The following PDE3A variants were observed in gnomAD, a reference collection of about 807,000 sequenced individuals.
PDE3A encodes cGMP-inhibited 3',5'-cyclic phosphodiesterase 3A.
A neutral mutation model predicts 98.3 loss-of-function variants in PDE3A; 43 were observed. The ratio of observed to expected loss-of-function variants is 0.44; its 90% confidence interval spans 0.34 to 0.56. The LOEUF is 0.56. PDE3A is among the 20% of genes least tolerant of loss of function. The pLI, the probability that PDE3A is intolerant of heterozygous loss-of-function variation, is 0.01. For missense variants in PDE3A, 1,427 were observed against 1,440.7 expected (o/e 0.99, Z 0.15); for synonymous variants, 663 against 567.9 (o/e 1.17, Z -2.38).
chr12:20,479,832 G>T (rs1009086961), intron 1 of PDE3A, among the ~76,000 whole-genome samples: 1 of 152,112 alleles, frequency 6.6e-6, no homozygotes. Context: ...GCTGAACATT[G>T]TTCAACAAAG....
chr12:20,458,802 A>G (rs1224119606), intron 1 of PDE3A, among the ~76,000 whole-genome samples: 1 of 152,098 alleles, frequency 6.6e-6, no homozygotes, highest in Non-Finnish European at 1.5e-5. Context: ...AGACATTAGG[A>G]TACTGTCCAT....
At chr12:20,482,234 T>G (rs56186852) in intron 1 of PDE3A, among the ~76,000 whole-genome samples, 5,281 of 130,182 alleles carry the variant, frequency 0.041, 140 homozygotes, top group South Asian at 0.079. Context: ...ACATGTATTT[T>G]TTTTTCTGTA....
At chr12:20,396,739 A>G (rs11045210) in intron 1 of PDE3A, among the ~76,000 whole-genome samples, 59,614 of 151,930 alleles carry the variant, frequency 0.39, 13,221 homozygotes, top group South Asian at 0.5. Context: ...GAGAAGCTGG[A>G]CCATTATCTA....
intron 1 of PDE3A, among the ~76,000 whole-genome samples, chr12:20,451,920 C>T (rs1334264547): frequency 2.0e-5 from 3 of 152,134 alleles, no homozygotes; most frequent in South Asian, 4.1e-4. Flanking sequence ...CACACTTAAC[C>T]GCATTTCTCT....
At chr12:20,484,207 T>G (rs1052651480) in intron 1 of PDE3A, among the ~76,000 whole-genome samples, 1 of 152,196 alleles carries the variant, frequency 6.6e-6, no homozygotes, top group African/African-American at 2.4e-5. Flanking sequence ...CTCCTCAAAC[T>G]AGTCCCTCTG....
At chr12:20,590,744 A>G (rs1943318721) in intron 2 of PDE3A, among the ~76,000 whole-genome samples, 1 of 152,172 alleles carries the variant, frequency 6.6e-6, no homozygotes, top group Admixed American at 6.5e-5. Flanking sequence ...CCCACCCTAG[A>G]CAGTACAAAG....
chr12:20,650,331 G>T, intron 13 of PDE3A, 114 bp from the exon 14 acceptor site: 1 of 525,948 alleles, frequency 1.9e-6, no homozygotes, highest in Non-Finnish European at 3.3e-6. Flanking sequence ...CCAATTATTT[G>T]GTATTATGAT....
intron 15 of PDE3A, among the ~76,000 whole-genome samples, chr12:20,669,197 TG>T (rs1945402610): frequency 6.6e-6 from 1 of 150,974 alleles, no homozygotes; most frequent in African/African-American, 2.4e-5. Context: ...TATGGGACTA[TG>T]TGAAAAGACC....
At chr12:20,420,787 G>T (rs1944499390) in intron 1 of PDE3A, among the ~76,000 whole-genome samples, 1 of 152,136 alleles carries the variant, frequency 6.6e-6, no homozygotes. Flanking sequence ...AGTCATTTCT[G>T]GGTTAAGGTG....
chr12:20,431,539 A>G (rs779430109), intron 1 of PDE3A, among the ~76,000 whole-genome samples: 26 of 152,244 alleles, frequency 1.7e-4, no homozygotes, highest in Non-Finnish European at 3.4e-4. Flanking sequence ...TTCAATCGAA[A>G]GAATTAAGTG....
chr12:20,475,172 TGTGTGA>T (rs201359013), intron 1 of PDE3A, among the ~76,000 whole-genome samples: 8,413 of 88,048 alleles, frequency 0.096, 289 homozygotes, highest in East Asian at 0.24. Flanking sequence ...GGAAAAAATG[TGTGTGA>T]GTGTGTGTGT....
At chr12:20,611,067 T>C (rs1193944076) in intron 2 of PDE3A, among the ~76,000 whole-genome samples, 1 of 151,946 alleles carries the variant, frequency 6.6e-6, no homozygotes, top group African/African-American at 2.4e-5. Context: ...AAAAATACTA[T>C]GCAAGACGCT....
chr12:20,664,830 G>A (rs1345039569), intron 15 of PDE3A, among the ~76,000 whole-genome samples: 2 of 152,058 alleles, frequency 1.3e-5, no homozygotes, highest in Non-Finnish European at 2.9e-5. Flanking sequence ...TTTATCAGCA[G>A]TGTGAAATTG....
chr12:20,654,402 T>C (rs1944990724), intron 15 of PDE3A, among the ~76,000 whole-genome samples, 197 bp downstream of exon 15: 1 of 152,190 alleles, frequency 6.6e-6, no homozygotes, highest in Non-Finnish European at 1.5e-5. Flanking sequence ...ATAACACATA[T>C]GATACAAAGA....
intron 1 of PDE3A, among the ~76,000 whole-genome samples, chr12:20,446,163 T>C (rs1944950356): frequency 6.6e-6 from 1 of 152,182 alleles, no homozygotes; most frequent in Admixed American, 6.5e-5. Flanking sequence ...GAATTTGTGT[T>C]TTGTGAGAAT....
At position 20,621,348 on chromosome 12, in the gene PDE3A, T is replaced by C; in HGVS notation, c.1477T>C (p.Phe493Leu). 6.2e-7 allele frequency: 1 copy of C among 1,612,492 alleles called. No homozygotes were observed. The highest frequency in any genetic ancestry group is 8.5e-7 in the Non-Finnish European group (1 of 1,178,696). ...GATGACCCTCACCAAAAGCAGATCCTTTACTTCATCCTATGCTATTTCTGC... is the reference window on the plus strand; with the variant it reads ...GATGACCCTCACCAAAAGCAGATCCCTTACTTCATCCTATGCTATTTCTGC... ...VMMTLTKSRSFTSSYAISAAN... is the reference protein window; with the variant it reads ...VMMTLTKSRSLTSSYAISAAN... Residue 493 changes from phenylalanine to leucine, a missense_variant, in exon 5 of 16, where the codon TTT becomes CTT. By Grantham distance (22) the Phe-to-Leu change is conservative (BLOSUM62 0). Transcript: ENST00000359062.
chr12:20,473,768 T>C (rs932090372), intron 1 of PDE3A, among the ~76,000 whole-genome samples: 1 of 152,078 alleles, frequency 6.6e-6, no homozygotes, highest in Non-Finnish European at 1.5e-5. Context: ...ATTTTTTTCA[T>C]TCAGGTTTGT....
chr12:20,654,322 G>A, intron 15 of PDE3A, 117 bp downstream of exon 15: 1 of 915,834 alleles, frequency 1.1e-6, no homozygotes, highest in South Asian at 1.7e-5. Context: ...CATTTGCGGA[G>A]TTTGACTACG....
chr12:20,401,226 C>T (rs2120662254), intron 1 of PDE3A, among the ~76,000 whole-genome samples: 1 of 152,310 alleles, frequency 6.6e-6, no homozygotes, highest in South Asian at 2.1e-4. Context: ...TCCCTACCCT[C>T]ATGCCATCTG....
Sources: allele counts gnomAD v4.1 joint callset (sites outside exome capture counted in the v4.1 genomes callset), GRCh38; gene constraint gnomAD v4.1.1; transcripts MANE v1.5; gene names NCBI Gene and HGNC (gene_info 2026-07-23, HGNC 2026-07-21).